KLRG1: variants seen among roughly 807,000 people sequenced by gnomAD.
KLRG1 encodes killer cell lectin-like receptor subfamily G member 1.
A neutral mutation model predicts 21.8 loss-of-function variants in KLRG1; 16 were observed. That is an observed-to-expected ratio of 0.73 (90% CI 0.50 to 1.11). The LOEUF is 1.11. Ranked by LOEUF, KLRG1 falls within the 50% of genes most tolerant of loss-of-function variation. The probability of loss-of-function intolerance (pLI) is 0.00; values close to 1 mark genes in which losing one functional copy is unlikely to be tolerated. For synonymous variants in KLRG1, 69 were observed against 75.9 expected, an observed-to-expected ratio of 0.91 and a Z score of 0.47; for missense variants, 173 against 218.3, an observed-to-expected ratio of 0.79 and a Z score of 1.31.
At chr12:9,129,664 C>T in the KLRG1 span, among the ~76,000 whole-genome samples, 1 of 152,048 alleles carries the variant, frequency 6.6e-6, no homozygotes, top group Non-Finnish European at 1.5e-5. Context: ...CTCCGCCTCC[C>T]GGGTTCAGGA....
the KLRG1 span, chr12:9,070,364 G>A: frequency 4.3e-6 from 3 of 702,768 alleles, no homozygotes; most frequent in African/African-American, 5.4e-5. Context: ...TTTCTGAGCT[G>A]GAAAAAGGAT....
At chr12:9,194,241 A>G in the KLRG1 span, 4 of 1,613,446 alleles carry the variant, frequency 2.5e-6, no homozygotes, top group South Asian at 3.3e-5. Flanking sequence ...AGAAGCACCT[A>G]AAGAAGAAAA....
At chr12:9,074,491 T>G in the KLRG1 span, 1 of 1,439,390 alleles carries the variant, frequency 6.9e-7, no homozygotes, top group Non-Finnish European at 9.5e-7. Context: ...CTTGGATGTG[T>G]TTGTTTCTTT....
the KLRG1 span, chr12:9,180,915 A>T: frequency 6.5e-7 from 1 of 1,531,096 alleles, no homozygotes; most frequent in Non-Finnish European, 8.8e-7. Flanking sequence ...ACAAAGGGCT[A>T]ATAGAGGCTT....
chr12:9,163,377 C>T, the KLRG1 span, among the ~76,000 whole-genome samples: 15 of 151,300 alleles, frequency 9.9e-5, no homozygotes, highest in African/African-American at 2.4e-4. Flanking sequence ...GGCATGAACC[C>T]GGGAGGCAGA....
chr12:9,101,505 T>C, the KLRG1 span: 6 of 1,613,950 alleles, frequency 3.7e-6, no homozygotes, highest in Non-Finnish European at 5.1e-6. Context: ...CAGAATATAA[T>C]GTGCCTGGAC....
the KLRG1 span, among the ~76,000 whole-genome samples, chr12:9,205,974 C>T: frequency 1.3e-5 from 2 of 152,126 alleles, no homozygotes; most frequent in Non-Finnish European, 2.9e-5. Flanking sequence ...TGCCATGAAT[C>T]TCCAGGGCCA....
the KLRG1 span, chr12:9,090,457 G>A: frequency 5.0e-6 from 8 of 1,613,846 alleles, no homozygotes; most frequent in Admixed American, 1.3e-4. Flanking sequence ...TAGGAAGGCG[G>A]GAGAGGCTTC....
intron 3 of KLRG1, 35 bp downstream of exon 3, chr12:8,995,323 G>GTTTTGT (rs770791557): frequency 1.3e-6 from 2 of 1,572,848 alleles, no homozygotes; most frequent in Non-Finnish European, 1.7e-6. Context: ...TAGGGTTTTT[G>GTTTTGT]TTTTGTTTTT....
the KLRG1 span, among the ~76,000 whole-genome samples, chr12:9,207,960 T>A: frequency 1.3e-5 from 2 of 152,226 alleles, no homozygotes; most frequent in African/African-American, 2.4e-5. Flanking sequence ...CGAATATCTC[T>A]ATATTCAGTG....
chr12:9,020,385 A>G, the KLRG1 span, among the ~76,000 whole-genome samples: 1 of 152,184 alleles, frequency 6.6e-6, no homozygotes, highest in African/African-American at 2.4e-5. Flanking sequence ...ATGACTTTTC[A>G]TAATTCCTCT....
the KLRG1 span, among the ~76,000 whole-genome samples, chr12:9,205,535 T>C: frequency 6.6e-6 from 1 of 152,160 alleles, no homozygotes; most frequent in African/African-American, 2.4e-5. Flanking sequence ...CTTGAATCCA[T>C]AACAGATAGA....
chr12:9,169,057 A>T, the KLRG1 span: 1 of 967,722 alleles, frequency 1.0e-6, no homozygotes, highest in Non-Finnish European at 1.6e-6. Flanking sequence ...TTCTCTATGT[A>T]ATTCCAGTAT....
At chr12:9,186,078 T>C in the KLRG1 span, among the ~76,000 whole-genome samples, 1 of 152,106 alleles carries the variant, frequency 6.6e-6, no homozygotes, top group South Asian at 2.1e-4. Flanking sequence ...AGTGCTGGGA[T>C]TACAGGTATG....
the KLRG1 span, chr12:9,154,864 A>C: frequency 6.3e-7 from 1 of 1,578,050 alleles, no homozygotes; most frequent in Non-Finnish European, 8.7e-7. Context: ...AAAGGAGATA[A>C]TTGTAACTCA....
the KLRG1 span, among the ~76,000 whole-genome samples, chr12:9,112,882 A>G: frequency 2.0e-5 from 3 of 152,206 alleles, no homozygotes; most frequent in Non-Finnish European, 4.4e-5. Flanking sequence ...GCTATGGAAA[A>G]AAACCCCGTA....
chr12:8,978,510 A>G (rs1946693465), intron 1 of KLRG1, among the ~76,000 whole-genome samples: 1 of 151,990 alleles, frequency 6.6e-6, no homozygotes, highest in African/African-American at 2.4e-5. Context: ...TTTTCTAGGT[A>G]TATCTTGGTT....
At chr12:9,214,860 C>T in the KLRG1 span, among the ~76,000 whole-genome samples, 1 of 151,720 alleles carries the variant, frequency 6.6e-6, no homozygotes, top group Non-Finnish European at 1.5e-5. Flanking sequence ...AATGGAGTAA[C>T]CAGTGGCAAC....
intron 1 of KLRG1, among the ~76,000 whole-genome samples, chr12:8,975,916 A>G (rs889817299): frequency 6.6e-6 from 1 of 152,078 alleles, no homozygotes; most frequent in Non-Finnish European, 1.5e-5. Flanking sequence ...TCAAAAAATA[A>G]ACTCTTGGTT....
Sources: allele counts gnomAD v4.1 joint callset (sites outside exome capture counted in the v4.1 genomes callset), GRCh38; gene constraint gnomAD v4.1.1; transcripts MANE v1.5; gene names NCBI Gene and HGNC (gene_info 2026-07-23, HGNC 2026-07-21).